RHCE: variants seen among roughly 807,000 people sequenced by gnomAD.
The protein encoded by RHCE is Rh blood group CcEe antigens.
In RHCE, 22 loss-of-function variants were observed where a neutral mutation model predicts 43.8. The observed-to-expected ratio is 0.50, with a 90% CI of 0.36 to 0.72. The LOEUF is 0.72. Among genes scored for constraint, RHCE ranks in the 30% least tolerant of loss-of-function variants. RHCE has a pLI of 0.00. For missense variants in RHCE, 385 were observed against 525.4 expected (o/e 0.73, Z 2.61); for synonymous variants, 156 against 210.7 (o/e 0.74, Z 2.25).
intron 2 of RHCE, among the ~76,000 whole-genome samples, chr1:25,404,113 A>G (rs895329041): frequency 6.1e-5 from 9 of 148,106 alleles, no homozygotes; most frequent in African/African-American, 1.0e-4. Context: ...GGTTGCAGTC[A>G]GCCGAGATTG....
chr1:25,384,521 C>T lies in RHCE; in HGVS notation c.1073+1190G>A, dbSNP rs144299065. On this transcript the variant is annotated intron_variant, in intron 7 of 9. Coordinates refer to ENST00000294413, the MANE Select transcript of RHCE (RefSeq NM_020485.8). ...ACAGGAAAGGTTCTGCTTAGAATTGCACAGTTATTAAGACAGTGGCAGACA... is the reference window on the plus strand; with the variant it reads ...ACAGGAAAGGTTCTGCTTAGAATTGTACAGTTATTAAGACAGTGGCAGACA... Among the ~76,000 whole-genome samples the T allele has an allele frequency of 3.3e-3, 500 of 152,190 alleles. 19 individuals carry two copies. In the East Asian group the frequency reaches 0.061, roughly 19 times the overall value.
intron 3 of RHCE, among the ~76,000 whole-genome samples, chr1:25,397,633 C>T (rs113686125): frequency 5.3e-5 from 8 of 152,244 alleles, no homozygotes; most frequent in African/African-American, 1.2e-4. Flanking sequence ...CCTGGCCGCC[C>T]CTTGGTCACT....
At position 25,386,838 on chromosome 1, in the gene RHCE, AC is replaced by A. The variant is rs1276881931; in HGVS notation, c.940-995del. Among the ~76,000 whole-genome samples the A allele has an allele frequency of 6.2e-4, 82 of 132,422 alleles. 1 individual carries two copies. The highest frequency in any genetic ancestry group is 1.1e-4 in the Non-Finnish European group (7 of 61,544). 86.9% of individuals were successfully genotyped at this position (132,422 alleles called of 152,430 possible). On this transcript the variant is annotated intron_variant, in intron 6 of 9. Transcript: ENST00000294413. Reference sequence around the variant, plus strand: ...CACCGTCTCAACAACAACAACAACAACAAAACACACACACACACACACACAC... The same window carrying A: ...CACCGTCTCAACAACAACAACAACAAAAAACACACACACACACACACACAC...
At chr1:25,387,466 A>T (rs1233714749) in intron 6 of RHCE, among the ~76,000 whole-genome samples, 1 of 152,224 alleles carries the variant, frequency 6.6e-6, no homozygotes, top group South Asian at 2.1e-4. Flanking sequence ...TGAATGAATG[A>T]ATATATGAAT....
At chr1:25,376,369 A>G (rs1645787367) in intron 7 of RHCE, among the ~76,000 whole-genome samples, 1 of 152,246 alleles carries the variant, frequency 6.6e-6, no homozygotes, top group South Asian at 2.1e-4. Context: ...ATAGTTGTAC[A>G]CAACAAGCCA....
intron 1 of RHCE, among the ~76,000 whole-genome samples, chr1:25,419,354 C>T (rs1199355834): frequency 6.6e-6 from 1 of 152,074 alleles, no homozygotes; most frequent in Non-Finnish European, 1.5e-5. Flanking sequence ...AAAATTGTGC[C>T]AGCTCTTGTT....
intron 7 of RHCE, among the ~76,000 whole-genome samples, chr1:25,382,605 C>T (rs1191034052): frequency 1.3e-5 from 2 of 151,748 alleles, no homozygotes; most frequent in Admixed American, 1.3e-4. Context: ...CACAGGGTCT[C>T]CCCTGGCCAG....
intron 7 of RHCE, among the ~76,000 whole-genome samples, chr1:25,384,145 G>T (rs1337728840): frequency 2.6e-5 from 4 of 151,044 alleles, no homozygotes; most frequent in Non-Finnish European, 4.4e-5. Context: ...AGTGATGCAG[G>T]TGCTGTGGAG....
chr1:25,389,257 T>C (rs976938605), intron 5 of RHCE, 144 bp from the exon 6 acceptor site: 16 of 1,411,796 alleles, frequency 1.1e-5, no homozygotes, highest in African/African-American at 2.9e-5. Flanking sequence ...TCCCCTGTGT[T>C]GGGGCTACGT....
At position 25,394,290 on chromosome 1, in the gene RHCE, AT is replaced by A. The variant is rs947332619; in HGVS notation, c.487-2150del. On this transcript the variant is annotated intron_variant, in intron 3 of 9. Coordinates refer to ENST00000294413, the MANE Select transcript of RHCE (RefSeq NM_020485.8). ...AGGCATGAGCCACCGCACCCAGCCTATTTTTTTTTTTATCACCATGTGCTGA... is the reference window on the plus strand; with the variant it reads ...AGGCATGAGCCACCGCACCCAGCCTATTTTTTTTTTATCACCATGTGCTGA... Among the ~76,000 whole-genome samples, 766 of 146,278 alleles carry A rather than the reference AT, an allele frequency of 5.2e-3. 8 individuals are homozygous for A. Among genetic ancestry groups the A allele is most frequent in the African/African-American group, 0.017 (675 of 40,160 alleles).
chr1:25,398,759 C>G, intron 3 of RHCE: 1 of 1,592,100 alleles, frequency 6.3e-7, no homozygotes, highest in Non-Finnish European at 8.6e-7. Flanking sequence ...TTTGCGGTGC[C>G]CAAGGAGGCC....
upstream of RHCE, among the ~76,000 whole-genome samples, chr1:25,423,639 C>T (rs1187559009): frequency 6.6e-6 from 1 of 152,184 alleles, no homozygotes; most frequent in Non-Finnish European, 1.5e-5. Flanking sequence ...TTGCTCTTCC[C>T]CTCTGACTCT....
At chr1:25,410,958 G>A (rs577932077) in intron 1 of RHCE, among the ~76,000 whole-genome samples, 1 of 152,132 alleles carries the variant, frequency 6.6e-6, no homozygotes, top group South Asian at 2.1e-4. Context: ...TGGATGTGGT[G>A]GCGGGCACCT....
At position 25,408,947 on chromosome 1, in the gene RHCE, T is replaced by A; in HGVS notation, c.149-78A>T. The A allele has an allele frequency of 5.0e-6, 5 of 1,008,852 alleles. 2 individuals are homozygous for A. The highest frequency in any genetic ancestry group is 6.9e-6 in the Non-Finnish European group (5 of 721,794). The allele number at this position is 1,008,852 out of a possible 1,614,324, so 62.5% of individuals were successfully genotyped here. A position where few individuals can be genotyped will look rare whatever the true frequency, so the allele number is the denominator to read the frequency against. Reference sequence around the variant, plus strand: ...GGGTGGTATGAAATTAGAGTCTTACTAAATGGCAGCTGGAAGGGGCATGCA... The same window carrying A: ...GGGTGGTATGAAATTAGAGTCTTACAAAATGGCAGCTGGAAGGGGCATGCA... On this transcript the variant is annotated intron_variant, in intron 1 of 9. Transcript: ENST00000294413.
At chr1:25,402,175 C>CCTGT (rs74426100) in intron 3 of RHCE, among the ~76,000 whole-genome samples, 2,579 of 145,132 alleles carry the variant, frequency 0.018, 28 homozygotes, top group Non-Finnish European at 0.022. Flanking sequence ...CTGTACCCAG[C>CCTGT]CTGTCTGTCT....
intron 1 of RHCE, among the ~76,000 whole-genome samples, chr1:25,412,714 T>TA (rs1190942791): frequency 0.015 from 1,472 of 100,364 alleles, 86 homozygotes; most frequent in Middle Eastern, 0.034. Flanking sequence ...GACCCTTTTT[T>TA]TAAAAAAAAA....
intron 8 of RHCE, among the ~76,000 whole-genome samples, chr1:25,372,680 C>T (rs993315911): frequency 4.6e-5 from 7 of 151,832 alleles, no homozygotes; most frequent in East Asian, 1.9e-4. Flanking sequence ...TAGGATTGTT[C>T]CTTAAATAAG....
intron 7 of RHCE, among the ~76,000 whole-genome samples, chr1:25,379,312 A>G (rs1645884337): frequency 6.6e-6 from 1 of 151,294 alleles, no homozygotes; most frequent in African/African-American, 2.4e-5. Flanking sequence ...CTTCACCTCC[A>G]ATTTCATCAA....
At chr1:25,401,979 C>T (rs574455513) in intron 3 of RHCE, among the ~76,000 whole-genome samples, 9 of 152,108 alleles carry the variant, frequency 5.9e-5, no homozygotes, top group Middle Eastern at 3.2e-3. Flanking sequence ...CGGGTTCAAG[C>T]GATTCTCTTG....
Sources: gnomAD v4.1 joint callset for allele counts (sites outside exome capture counted in the v4.1 genomes callset) on GRCh38, gnomAD v4.1.1 for gene constraint, MANE v1.5 for transcripts, NCBI Gene and HGNC (gene_info 2026-07-23, HGNC 2026-07-21) for gene names.